DOK7: variants seen among roughly 807,000 people sequenced by gnomAD.
The protein encoded by DOK7 is protein Dok-7.
Under a neutral mutation model 30.7 loss-of-function variants are expected in DOK7, and 32 were observed. The observed-to-expected ratio is 1.04, with a 90% CI of 0.79 to 1.40. DOK7 has a LOEUF of 1.40. Ranked by LOEUF, DOK7 falls within the 40% of genes most tolerant of loss-of-function variation. The probability of loss-of-function intolerance (pLI) is 0.00; values close to 1 mark genes in which losing one functional copy is unlikely to be tolerated. For missense variants in DOK7, 1,007 were observed against 699.2 expected (o/e 1.44, Z -4.97); for synonymous variants, 447 against 324.1 (o/e 1.38, Z -4.07).
intron 4 of DOK7, among the ~76,000 whole-genome samples, chr4:3,481,860 G>A (rs959503036): frequency 2.0e-5 from 3 of 152,212 alleles, no homozygotes; most frequent in South Asian, 2.1e-4. Flanking sequence ...GAGTCCTGGA[G>A]TTAGTGCAAC....
chr4:3,483,041 T>C (rs7676662), intron 4 of DOK7, among the ~76,000 whole-genome samples: 112,647 of 147,176 alleles, frequency 0.77, 43,493 homozygotes, highest in East Asian at 0.93. Context: ...TGGAAAGGTC[T>C]GGGGTGTTCT....
chr4:3,495,351 G>A (rs1728849330), downstream of DOK7, among the ~76,000 whole-genome samples: 1 of 151,560 alleles, frequency 6.6e-6, no homozygotes, highest in African/African-American at 2.4e-5. Context: ...TCAGCCCTCT[G>A]TGTTCCCACG....
intron 5 of DOK7, among the ~76,000 whole-genome samples, chr4:3,489,193 A>T (rs1263847485): frequency 1.3e-5 from 2 of 152,106 alleles, no homozygotes; most frequent in Non-Finnish European, 2.9e-5. Context: ...ATGAGTCTCC[A>T]TCCGAGACCC....
chr4:3,476,672 T>A, intron 4 of DOK7, 130 bp downstream of exon 4: 1 of 1,204,036 alleles, frequency 8.3e-7, no homozygotes, highest in Non-Finnish European at 1.2e-6. Context: ...CGCCGGCAGG[T>A]GGACGGAGTC....
chr4:3,496,039 G>A (rs553888283), downstream of DOK7, among the ~76,000 whole-genome samples: 2 of 152,338 alleles, frequency 1.3e-5, no homozygotes, highest in African/African-American at 4.8e-5. Context: ...ACAGGAGGGT[G>A]CTGCGCCTTC....
chr4:3,484,638 T>C, intron 4 of DOK7: 1 of 985,472 alleles, frequency 1.0e-6, no homozygotes, highest in Non-Finnish European at 1.2e-6. Context: ...GGCGGCTGCA[T>C]CGCTCTGCCA....
At chr4:3,465,504 A>G (rs1266280359) in intron 2 of DOK7, among the ~76,000 whole-genome samples, 1 of 152,192 alleles carries the variant, frequency 6.6e-6, no homozygotes, top group Non-Finnish European at 1.5e-5. Context: ...CTTGTAAGAC[A>G]GGCAGGGTTC....
downstream of DOK7, among the ~76,000 whole-genome samples, chr4:3,498,238 A>G (rs1469835807): frequency 6.6e-6 from 1 of 152,280 alleles, no homozygotes; most frequent in East Asian, 1.9e-4. Context: ...GCAAAATCCA[A>G]GTCCCAAGGA....
Position 3,494,096 on chromosome 4 carries a change from C to T in DOK7, c.*595C>T. 2 of 986,338 alleles carry T rather than the reference C, an allele frequency of 2.0e-6. No individual in the cohort carries two copies. The highest frequency in any genetic ancestry group is 2.4e-6 in the Non-Finnish European group (2 of 830,612). 61.1% of individuals were successfully genotyped at this position (986,338 alleles called of 1,614,324 possible). On this transcript the variant is annotated 3_prime_UTR_variant, in exon 7 of 7. Coordinates refer to ENST00000340083, the MANE Select transcript of DOK7 (RefSeq NM_173660.5). ...CGGGGTCTCTGGGTTCTGGGCCCCA[C>T]TGTTCCCCAGTGAAGCCCTTGTGGG... is the stretch of plus-strand genomic sequence containing the variant.
exon 8 of DOK7, chr4:3,500,854 C>T (rs1489043684): frequency 2.5e-5 from 38 of 1,511,950 alleles, no homozygotes; most frequent in Middle Eastern, 2.3e-4. Context: ...TGACCGCAAA[C>T]CCGGTGCGCT....
chr4:3,485,709 C>G (rs777205539), intron 5 of DOK7, 51 bp downstream of exon 5: 2 of 1,468,616 alleles, frequency 1.4e-6, no homozygotes, highest in African/African-American at 1.4e-5. Context: ...GCAGGCTGTG[C>G]GACGTCCCGG....
At chr4:3,482,919 C>G (rs1727520084) in intron 4 of DOK7, among the ~76,000 whole-genome samples, 1 of 152,054 alleles carries the variant, frequency 6.6e-6, no homozygotes, top group East Asian at 1.9e-4. Flanking sequence ...GGGCTGAACC[C>G]CAGAGGAGGC....
Position 3,493,488 on chromosome 4 carries a change from A to C in DOK7, c.1502A>C (p.Asn501Thr), listed in dbSNP as rs377454797. 6.2e-7 allele frequency: 1 copy of C among 1,610,420 alleles called. No homozygotes were observed. The highest frequency in any genetic ancestry group is 1.7e-5 in the Admixed American group (1 of 59,850). ...CCAGTCTGTGGAGGACTCAAGGTAAACCCCCCTCCTTGAGAGCCGCAGATC... is the reference window on the plus strand; with the variant it reads ...CCAGTCTGTGGAGGACTCAAGGTAACCCCCCCTCCTTGAGAGCCGCAGATC... ...ACPVCGGLKV[N>T]PPP Residue 501 changes from asparagine to threonine, a missense_variant, in exon 7 of 7, where the codon AAC (asparagine) becomes ACC (threonine). Physicochemically the swap from Asn to Thr is moderately conservative, Grantham distance 65. Transcript: ENST00000340083.
intron 6 of DOK7, among the ~76,000 whole-genome samples, chr4:3,490,737 CCTTCCTT>C (rs1728302922): frequency 9.7e-6 from 1 of 103,498 alleles, no homozygotes; most frequent in Non-Finnish European, 1.9e-5. Flanking sequence ...CTCATTCCTT[CCTTCCTT>C]CTTCCTCCTG....
At position 3,485,563 on chromosome 4, in the gene DOK7, C is replaced by T. The variant is rs772577244; in HGVS notation, c.557C>T (p.Ser186Leu). ...GGGGCTGGCGTCTTCTTCCTGTCCT[C>T]GGCCGAGGGGGAGCAGATCAGCTTC... The part of the protein sequence containing the change: ...GYWAGVFFLS[S>L]AEGEQISFLF... The change falls in exon 5 of 7, where the codon TCG becomes TTG. Residue 186 changes from serine to leucine, a missense_variant. Coordinates refer to ENST00000340083, the MANE Select transcript of DOK7 (RefSeq NM_173660.5). 36 of 1,605,934 alleles carry T rather than the reference C, an allele frequency of 2.2e-5. No individual in the cohort carries two copies. The highest frequency in any genetic ancestry group is 3.3e-4 in the Middle Eastern group (2 of 6,056).
At chr4:3,472,049 C>T (rs1167657607) in intron 2 of DOK7, among the ~76,000 whole-genome samples, 2 of 152,276 alleles carry the variant, frequency 1.3e-5, no homozygotes, top group East Asian at 3.8e-4. Context: ...GCCGCAGAGC[C>T]TGTGTGGCCC....
At position 3,493,595 on chromosome 4, in the gene DOK7, T is replaced by G. The variant is rs1209833153; in HGVS notation, c.*94T>G. 1.3e-6 allele frequency: 2 copies of G among 1,540,968 alleles called. No homozygotes were observed. The highest frequency in any genetic ancestry group is 2.8e-5 in the African/African-American group (2 of 72,708). On this transcript the variant is annotated 3_prime_UTR_variant, in exon 7 of 7. Coordinates refer to ENST00000340083, the MANE Select transcript of DOK7 (RefSeq NM_173660.5). ...CCAGCCTCCTTGCAGACTGGTGCTC[T>G]GTGTTCTGTGGGAGGGACCGGGGGT...
rs982243735 is a variant in DOK7 at position 3,463,615 on chromosome 4, G to A, written c.100+64G>A. On this transcript the variant is annotated intron_variant, in intron 2 of 6. Coordinates refer to ENST00000340083, the MANE Select transcript of DOK7 (RefSeq NM_173660.5). ...GCGACACGGGTTACCGAGGCCCGGG[G>A]CAGTAATGCCAGCTTGCCCAAAATC... 1.6e-5 allele frequency: 24 copies of A among 1,514,608 alleles called. No individual in the cohort carries two copies. The Admixed American group carries it at 4.1e-4, about 26-fold the overall frequency. 93.8% of individuals were successfully genotyped at this position (1,514,608 alleles called of 1,614,324 possible).
downstream of DOK7, chr4:3,496,834 A>G (rs1167005936): frequency 6.5e-7 from 1 of 1,535,392 alleles, no homozygotes; most frequent in South Asian, 1.2e-5. Context: ...CGGCAGCCTC[A>G]GCCCCAGGAC....
Sources: gnomAD v4.1 joint callset for allele counts (sites outside exome capture counted in the v4.1 genomes callset) on GRCh38, gnomAD v4.1.1 for gene constraint, MANE v1.5 for transcripts, NCBI Gene and HGNC (gene_info 2026-07-23, HGNC 2026-07-21) for gene names.